Variants in GMDS observed in about 807,000 individuals in gnomAD.
GMDS encodes the protein GDP-mannose 4,6 dehydratase.
Under a neutral mutation model 49.9 loss-of-function variants are expected in GMDS, and 20 were observed. That is an observed-to-expected ratio of 0.40 (90% CI 0.28 to 0.58). The LOEUF (loss-of-function observed/expected upper bound fraction) is 0.58. GMDS is among the 20% of genes least tolerant of loss of function. The probability of loss-of-function intolerance (pLI) is 0.42; values close to 1 mark genes in which losing one functional copy is unlikely to be tolerated. For missense variants in GMDS, 362 were observed against 481.4 expected (o/e 0.75, Z 2.32); for synonymous variants, 177 against 178.6 (o/e 0.99, Z 0.07).
At chr6:2,177,649 C>T (rs917648888) in intron 1 of GMDS, among the ~76,000 whole-genome samples, 4 of 152,100 alleles carry the variant, frequency 2.6e-5, no homozygotes, top group Non-Finnish European at 5.9e-5. Flanking sequence ...AACATCCTTT[C>T]GTGATAAAAA....
intron 9 of GMDS, among the ~76,000 whole-genome samples, chr6:1,672,919 A>G (rs1764474207): frequency 6.6e-6 from 1 of 152,240 alleles, no homozygotes; most frequent in African/African-American, 2.4e-5. Context: ...TGGATGTGAC[A>G]AAAGAAACAT....
intron 7 of GMDS, among the ~76,000 whole-genome samples, chr6:1,864,884 C>A (rs1405460524): frequency 6.6e-6 from 1 of 152,144 alleles, no homozygotes; most frequent in African/African-American, 2.4e-5. Flanking sequence ...TCATATGATA[C>A]CTTGAGTTTA....
At position 2,245,417 on chromosome 6, in the gene GMDS, T is replaced by C. The variant is rs1458411705; in HGVS notation, c.6A>G (p.Ala2=). The change falls in exon 1 of 11, where the codon GCA becomes GCG. Residue 2 remains alanine, a synonymous_variant. Coordinates refer to ENST00000380815, the MANE Select transcript of GMDS (RefSeq NM_001500.4). ...CGCTGGGGCAGCGTGCCGGTGCGTG[T>C]GCCATGTCCCGCGGCGGGCGTGCGG... M[A]HAPARCPSAR... 4 of 1,496,662 alleles carry C rather than the reference T, an allele frequency of 2.7e-6. No homozygotes were observed. The highest frequency in any genetic ancestry group is 2.3e-4 in the Middle Eastern group (1 of 4,310). 92.7% of individuals were successfully genotyped at this position (1,496,662 alleles called of 1,614,324 possible).
intron 7 of GMDS, among the ~76,000 whole-genome samples, chr6:1,746,223 CTCTCTT>C (rs1187789655): frequency 5.9e-5 from 6 of 102,246 alleles, no homozygotes; most frequent in African/African-American, 2.8e-4. Context: ...GGTCAGTCTT[CTCTCTT>C]TGTCTCTCAA....
chr6:1,669,517 T>A (rs1366216220), intron 9 of GMDS, among the ~76,000 whole-genome samples: 1 of 152,200 alleles, frequency 6.6e-6, no homozygotes, highest in Non-Finnish European at 1.5e-5. Flanking sequence ...ACATATTGCA[T>A]GTTTTGCCAT....
At chr6:1,906,920 G>C (rs993726990) in intron 7 of GMDS, among the ~76,000 whole-genome samples, 34 of 152,150 alleles carry the variant, frequency 2.2e-4, no homozygotes, top group Admixed American at 4.6e-4. Context: ...AGAACCCACC[G>C]TAGGGGCTCC....
chr6:1,930,825 T>C (rs1240371358), intron 6 of GMDS: 1 of 152,172 alleles, frequency 6.6e-6, no homozygotes, highest in East Asian at 1.9e-4. Context: ...GCCATCCAAA[T>C]GATATGATAT....
At chr6:1,783,532 C>G (rs1358850804) in intron 7 of GMDS, among the ~76,000 whole-genome samples, 2 of 152,172 alleles carry the variant, frequency 1.3e-5, no homozygotes, top group Non-Finnish European at 2.9e-5. Flanking sequence ...AATGGAGGAG[C>G]ACGATTCTCT....
intron 1 of GMDS, among the ~76,000 whole-genome samples, chr6:2,140,419 C>T (rs139964638): frequency 6.6e-6 from 1 of 152,286 alleles, no homozygotes; most frequent in East Asian, 1.9e-4. Flanking sequence ...TTTTGGACAT[C>T]CAGAACTGTG....
chr6:1,697,754 T>A (rs1334131306), intron 9 of GMDS, among the ~76,000 whole-genome samples: 2 of 152,192 alleles, frequency 1.3e-5, no homozygotes, highest in Admixed American at 6.5e-5. Flanking sequence ...TGAGAACCAC[T>A]GGTCCAGACC....
At chr6:2,101,636 T>C (rs1773930710) in intron 4 of GMDS, among the ~76,000 whole-genome samples, 1 of 152,048 alleles carries the variant, frequency 6.6e-6, no homozygotes, top group Admixed American at 6.5e-5. Context: ...AATACATTTA[T>C]GAACTTATGT....
At chr6:1,853,990 G>A (rs532961416) in intron 7 of GMDS, among the ~76,000 whole-genome samples, 26 of 152,258 alleles carry the variant, frequency 1.7e-4, no homozygotes, top group African/African-American at 6.0e-4. Context: ...CATGGACATG[G>A]TCAAGAGTGG....
intron 9 of GMDS, among the ~76,000 whole-genome samples, chr6:1,696,123 C>T (rs940636488): frequency 1.3e-5 from 2 of 152,016 alleles, no homozygotes; most frequent in Admixed American, 6.6e-5. Flanking sequence ...GATTCTGTTC[C>T]ATGATCTTGG....
At chr6:2,157,334 T>G (rs1777159824) in intron 1 of GMDS, among the ~76,000 whole-genome samples, 1 of 152,236 alleles carries the variant, frequency 6.6e-6, no homozygotes, top group African/African-American at 2.4e-5. Flanking sequence ...GATAGTCAAG[T>G]GCATTCAAAT....
chr6:2,241,331 C>T (rs966169757), intron 1 of GMDS, among the ~76,000 whole-genome samples: 2 of 152,114 alleles, frequency 1.3e-5, no homozygotes, highest in Admixed American at 6.5e-5. Flanking sequence ...AGACTTTGAA[C>T]CGTTAAGTTG....
chr6:2,112,465 G>A (rs1486551986), intron 4 of GMDS, among the ~76,000 whole-genome samples: 6 of 152,200 alleles, frequency 3.9e-5, no homozygotes, highest in African/African-American at 1.4e-4. Context: ...CCAGACCAGG[G>A]ACAGCATCAT....
At chr6:2,190,235 C>A (rs576157962) in intron 1 of GMDS, among the ~76,000 whole-genome samples, 1 of 152,098 alleles carries the variant, frequency 6.6e-6, no homozygotes, top group Non-Finnish European at 1.5e-5. Flanking sequence ...ATTTTTTAAA[C>A]GTTTCTAATA....
intron 4 of GMDS, among the ~76,000 whole-genome samples, chr6:2,045,599 T>C (rs1208547383): frequency 6.6e-5 from 10 of 152,162 alleles, no homozygotes; most frequent in African/African-American, 2.4e-4. Flanking sequence ...TAATTGGTTT[T>C]GGGGGTTTTG....
At chr6:1,789,532 C>CTTTTTTTTTTTT (rs59996305) in intron 7 of GMDS, among the ~76,000 whole-genome samples, 4 of 141,270 alleles carry the variant, frequency 2.8e-5, no homozygotes, top group Non-Finnish European at 6.2e-5. Context: ...TTTCTTTTTT[C>CTTTTTTTTTTTT]TTTTTTTTTT....
Sources: gnomAD v4.1 joint callset for allele counts (sites outside exome capture counted in the v4.1 genomes callset) on GRCh38, gnomAD v4.1.1 for gene constraint, MANE v1.5 for transcripts, NCBI Gene and HGNC (gene_info 2026-07-23, HGNC 2026-07-21) for gene names.